EPB41L4B: variants seen among roughly 807,000 people sequenced by gnomAD.
EPB41L4B encodes the protein band 4.1-like protein 4B.
A neutral mutation model predicts 112.5 loss-of-function variants in EPB41L4B; 30 were observed. That is an observed-to-expected ratio of 0.27 (90% CI 0.20 to 0.36). The LOEUF (loss-of-function observed/expected upper bound fraction) is 0.36. Among genes scored for constraint, EPB41L4B ranks in the 10% least tolerant of loss-of-function variants. The probability of loss-of-function intolerance (pLI) is 1.00; values close to 1 mark genes in which losing one functional copy is unlikely to be tolerated. For missense variants in EPB41L4B, 1,024 were observed against 1,133.3 expected, an observed-to-expected ratio of 0.90 and a Z score of 1.38; for synonymous variants, 408 against 439.7, an observed-to-expected ratio of 0.93 and a Z score of 0.90.
intron 15 of EPB41L4B, among the ~76,000 whole-genome samples, chr9:109,218,814 A>G (rs1417279404): frequency 1.3e-5 from 2 of 152,132 alleles, no homozygotes; most frequent in African/African-American, 4.8e-5. Flanking sequence ...AGACCCAGAT[A>G]AAGATCCCTT....
At chr9:109,296,871 C>CAAAA (rs748065925) in intron 1 of EPB41L4B, among the ~76,000 whole-genome samples, 1 of 69,468 alleles carries the variant, frequency 1.4e-5, no homozygotes, top group Non-Finnish European at 3.0e-5. Flanking sequence ...GGCCATGTCT[C>CAAAA]AAAAAAAAAA....
chr9:109,225,452 T>C (rs1483852684), intron 15 of EPB41L4B, among the ~76,000 whole-genome samples: 1 of 152,126 alleles, frequency 6.6e-6, no homozygotes, highest in Non-Finnish European at 1.5e-5. Flanking sequence ...AGGTGAAAGG[T>C]ACATCTCACA....
intron 1 of EPB41L4B, among the ~76,000 whole-genome samples, chr9:109,294,621 C>G (rs959494434): frequency 6.6e-6 from 1 of 151,738 alleles, no homozygotes; most frequent in East Asian, 1.9e-4. Flanking sequence ...CCCCGTACCC[C>G]CTCAAAAAAA....
At chr9:109,225,456 T>C (rs1833725329) in intron 15 of EPB41L4B, among the ~76,000 whole-genome samples, 1 of 152,116 alleles carries the variant, frequency 6.6e-6, no homozygotes, top group African/African-American at 2.4e-5. Flanking sequence ...GAAAGGTACA[T>C]CTCACATGGC....
intron 1 of EPB41L4B, among the ~76,000 whole-genome samples, chr9:109,290,049 C>G (rs1012124361): frequency 1.3e-5 from 2 of 152,114 alleles, no homozygotes; most frequent in African/African-American, 4.8e-5. Flanking sequence ...GGCACCTGTC[C>G]GATGGTAACT....
At chr9:109,251,413 A>T in intron 13 of EPB41L4B, 68 bp downstream of exon 13, 1 of 1,480,676 alleles carries the variant, frequency 6.8e-7, no homozygotes. Flanking sequence ...GTAAGGAAAA[A>T]GTCAACATTG....
At chr9:109,216,772 G>A in intron 16 of EPB41L4B, 150 bp downstream of exon 16, 1 of 773,484 alleles carries the variant, frequency 1.3e-6, no homozygotes, top group Admixed American at 2.1e-5. Flanking sequence ...TAAGGCTCTT[G>A]TCTACTCTGG....
chr9:109,267,649 A>AG (rs1288003887), intron 3 of EPB41L4B, 98 bp from the exon 4 acceptor site: 7 of 795,958 alleles, frequency 8.8e-6, no homozygotes, highest in Admixed American at 7.8e-5. Context: ...TATAACATTT[A>AG]GCACAACATC....
At chr9:109,254,423 A>G (rs1007740533) in intron 11 of EPB41L4B, among the ~76,000 whole-genome samples, 1 of 145,244 alleles carries the variant, frequency 6.9e-6, no homozygotes, top group African/African-American at 2.5e-5. Context: ...AAACAAAATA[A>G]TTCTTTAAAC....
At chr9:109,283,466 T>C (rs1836150056) in intron 1 of EPB41L4B, among the ~76,000 whole-genome samples, 1 of 152,034 alleles carries the variant, frequency 6.6e-6, no homozygotes, top group South Asian at 2.1e-4. Context: ...GATATGCAAC[T>C]GGAGAAAGGA....
intron 14 of EPB41L4B, among the ~76,000 whole-genome samples, chr9:109,247,166 A>G (rs1196420450): frequency 6.7e-6 from 1 of 150,224 alleles, no homozygotes; most frequent in Non-Finnish European, 1.5e-5. Flanking sequence ...GTGCCAGCTC[A>G]AGACTAGTTT....
chr9:109,266,370 T>C lies in EPB41L4B; in HGVS notation c.533+1103A>G, dbSNP rs145676298. 3.0e-3 allele frequency among the ~76,000 whole-genome samples: 451 copies of C among 151,784 alleles called. 10 individuals are homozygous for C. The East Asian group carries it at 0.076, about 26-fold the overall frequency. ...CAGCCTGGTTGACAGAGCCAGACCTTGTCTCCAAAAAAAAAGCCCAGGGGA... is the reference window on the plus strand; with the variant it reads ...CAGCCTGGTTGACAGAGCCAGACCTCGTCTCCAAAAAAAAAGCCCAGGGGA... On this transcript the variant is annotated intron_variant, in intron 4 of 25. Transcript: ENST00000374566.
intron 16 of EPB41L4B, 57 bp downstream of exon 16, chr9:109,216,865 C>T (rs369107075): frequency 2.4e-5 from 36 of 1,513,996 alleles, no homozygotes; most frequent in African/African-American, 1.4e-4. Flanking sequence ...AGGGAACTCT[C>T]GTGCCCTGCA....
chr9:109,217,764 G>T (rs1178520503), intron 15 of EPB41L4B, among the ~76,000 whole-genome samples: 1 of 152,090 alleles, frequency 6.6e-6, no homozygotes, highest in Non-Finnish European at 1.5e-5. Flanking sequence ...GTAGAGACAG[G>T]ATCTCGCTAT....
intron 25 of EPB41L4B, among the ~76,000 whole-genome samples, chr9:109,174,881 T>C (rs1192369809): frequency 6.6e-6 from 1 of 151,524 alleles, no homozygotes; most frequent in East Asian, 1.9e-4. Flanking sequence ...CCTTGCGCAG[T>C]ATCTGGTGCA....
intron 17 of EPB41L4B, among the ~76,000 whole-genome samples, chr9:109,208,398 A>C (rs1481734796): frequency 6.6e-6 from 1 of 152,230 alleles, no homozygotes. Flanking sequence ...CATAACTGCC[A>C]TCTCTTACAT....
intron 13 of EPB41L4B, among the ~76,000 whole-genome samples, chr9:109,248,750 G>A (rs922725619): frequency 1.9e-4 from 29 of 152,130 alleles, no homozygotes; most frequent in South Asian, 4.2e-4. Flanking sequence ...TGGCTGATGA[G>A]ATCTTAAATG....
chr9:109,205,323 T>C (rs932750741), intron 18 of EPB41L4B, among the ~76,000 whole-genome samples: 5 of 152,216 alleles, frequency 3.3e-5, no homozygotes, highest in Admixed American at 2.0e-4. Context: ...CTTACCTATT[T>C]GTCATCTCTT....
At chr9:109,199,738 C>G (rs1832759950) in intron 20 of EPB41L4B, among the ~76,000 whole-genome samples, 1 of 152,176 alleles carries the variant, frequency 6.6e-6, no homozygotes, top group South Asian at 2.1e-4. Context: ...GCCTTGCTGT[C>G]ACTCTCTCTG....
Sources: gnomAD v4.1 joint callset for allele counts (sites outside exome capture counted in the v4.1 genomes callset) on GRCh38, gnomAD v4.1.1 for gene constraint, MANE v1.5 for transcripts, NCBI Gene and HGNC (gene_info 2026-07-23, HGNC 2026-07-21) for gene names.